HACD2: variants seen among roughly 807,000 people sequenced by gnomAD.
The protein encoded by HACD2 is 3-hydroxyacyl-CoA dehydratase 2, also known as very-long-chain (3R)-3-hydroxyacyl-CoA dehydratase 2.
Under a neutral mutation model 31.0 loss-of-function variants are expected in HACD2, and 15 were observed. The observed-to-expected ratio is 0.48, with a 90% confidence interval of 0.32 to 0.75. The LOEUF is 0.75. HACD2 is among the 30% of genes least tolerant of loss of function. HACD2 has a pLI of 0.03. For synonymous variants in HACD2, 115 were observed against 122.2 expected (o/e 0.94, Z 0.39); for missense variants, 283 against 313.0 (o/e 0.90, Z 0.72).
At chr3:123,580,522 G>C (rs1482842262) in intron 2 of HACD2, among the ~76,000 whole-genome samples, 1 of 151,854 alleles carries the variant, frequency 6.6e-6, no homozygotes, top group East Asian at 1.9e-4. Flanking sequence ...AGTGGTTCAC[G>C]CCTGTAATCT....
At chr3:123,500,808 T>C (rs1160233729) in intron 5 of HACD2, 115 bp from the exon 6 acceptor site, 2 of 591,206 alleles carry the variant, frequency 3.4e-6, no homozygotes, top group South Asian at 5.3e-5. Context: ...TTTATACATT[T>C]TCCTGTTTAC....
chr3:123,568,118 C>A (rs993584479), intron 2 of HACD2, among the ~76,000 whole-genome samples: 26 of 152,174 alleles, frequency 1.7e-4, no homozygotes, highest in African/African-American at 5.8e-4. Flanking sequence ...ATCTCCATGT[C>A]CCATATGCTA....
chr3:123,528,604 T>G, intron 3 of HACD2, 130 bp from the exon 4 acceptor site: 1 of 624,184 alleles, frequency 1.6e-6, no homozygotes, highest in Non-Finnish European at 2.9e-6. Context: ...GGTGTCTATA[T>G]TGTTACACAG....
chr3:123,575,869 C>T (rs1243469295), intron 2 of HACD2, among the ~76,000 whole-genome samples: 1 of 152,094 alleles, frequency 6.6e-6, no homozygotes, highest in East Asian at 1.9e-4. Context: ...TTGTGGAACA[C>T]CATAAACTCT....
At chr3:123,561,332 A>G (rs753773166) in intron 3 of HACD2, among the ~76,000 whole-genome samples, 2 of 152,080 alleles carry the variant, frequency 1.3e-5, no homozygotes, top group African/African-American at 4.8e-5. Flanking sequence ...TTGAGGGAGG[A>G]GTGCAAGCTG....
chr3:123,574,826 T>C (rs935306359), intron 2 of HACD2, among the ~76,000 whole-genome samples: 1 of 152,228 alleles, frequency 6.6e-6, no homozygotes, highest in Non-Finnish European at 1.5e-5. Flanking sequence ...TTTTTCAGTA[T>C]CTGCAATTGT....
chr3:123,511,189 GA>G (rs2056058938), intron 4 of HACD2, among the ~76,000 whole-genome samples: 1 of 151,716 alleles, frequency 6.6e-6, no homozygotes, highest in Admixed American at 6.6e-5. Flanking sequence ...AATTGTTACT[GA>G]GCTCTTACTA....
Position 123,527,790 on chromosome 3 carries a change from T to C in HACD2, c.381+596A>G, listed in dbSNP as rs111674180. ...CTGCAAAAGTTGCGGCCACAGGGCA[T>C]GATAAATGCTTAGTAAATATGTAAA... is the stretch of plus-strand genomic sequence containing the variant. On this transcript the variant is annotated intron_variant, in intron 4 of 6. Transcript: ENST00000383657. 4.2e-3 allele frequency among the ~76,000 whole-genome samples: 641 copies of C among 152,352 alleles called. 3 individuals are homozygous for C. The highest frequency in any genetic ancestry group is 0.015 in the African/African-American group (608 of 41,578).
chr3:123,580,666 C>A (rs1179680989), intron 2 of HACD2, among the ~76,000 whole-genome samples: 1 of 151,184 alleles, frequency 6.6e-6, no homozygotes, highest in African/African-American at 2.4e-5. Flanking sequence ...GCCTGTGGGC[C>A]CAGCTACTCT....
intron 2 of HACD2, among the ~76,000 whole-genome samples, chr3:123,577,514 G>C (rs549697907): frequency 7.2e-5 from 11 of 151,742 alleles, no homozygotes; most frequent in Non-Finnish European, 1.3e-4. Context: ...CCAGCTACTC[G>C]GGAAGCTGAG....
chr3:123,533,791 A>T (rs2107712291), intron 3 of HACD2, among the ~76,000 whole-genome samples: 1 of 152,290 alleles, frequency 6.6e-6, no homozygotes, highest in African/African-American at 2.4e-5. Context: ...TATGACTGAT[A>T]TGTTTTAGCG....
At chr3:123,556,076 C>T (rs535022267) in intron 3 of HACD2, among the ~76,000 whole-genome samples, 10 of 152,084 alleles carry the variant, frequency 6.6e-5, no homozygotes, top group African/African-American at 9.7e-5. Flanking sequence ...CAGACTGAGG[C>T]GGGAGGATCA....
chr3:123,542,946 T>C (rs376069895), intron 3 of HACD2, among the ~76,000 whole-genome samples: 2 of 152,350 alleles, frequency 1.3e-5, no homozygotes. Context: ...TATGAGATTA[T>C]GACAAAATAA....
At chr3:123,580,166 CAA>C (rs60618268) in intron 2 of HACD2, among the ~76,000 whole-genome samples, 13 of 123,796 alleles carry the variant, frequency 1.1e-4, no homozygotes, top group Admixed American at 8.1e-5. Context: ...GGCCCTGTGT[CAA>C]AAAAAAAAAA....
intron 3 of HACD2, among the ~76,000 whole-genome samples, chr3:123,549,485 T>C (rs1405065336): frequency 1.3e-5 from 2 of 152,192 alleles, no homozygotes; most frequent in Non-Finnish European, 1.5e-5. Context: ...CGGTGGCTCA[T>C]GTCTGTAATC....
intron 3 of HACD2, among the ~76,000 whole-genome samples, chr3:123,561,283 T>G (rs2056726613): frequency 6.6e-6 from 1 of 152,218 alleles, no homozygotes; most frequent in Non-Finnish European, 1.5e-5. Context: ...ATGATTTTTT[T>G]GGAATTCACT....
intron 3 of HACD2, among the ~76,000 whole-genome samples, chr3:123,558,576 A>G (rs1386344381): frequency 2.6e-5 from 4 of 152,202 alleles, no homozygotes; most frequent in Non-Finnish European, 5.9e-5. Flanking sequence ...CTCTAAAAAA[A>G]TAGCATATTT....
chr3:123,563,713 A>C (rs1005300422), intron 3 of HACD2, among the ~76,000 whole-genome samples: 17 of 151,946 alleles, frequency 1.1e-4, no homozygotes, highest in African/African-American at 3.9e-4. Flanking sequence ...ATGAAATATG[A>C]ATATACTGTG....
intron 3 of HACD2, among the ~76,000 whole-genome samples, chr3:123,542,281 T>A (rs182631195): frequency 6.7e-6 from 1 of 150,162 alleles, no homozygotes; most frequent in Admixed American, 6.6e-5. Context: ...TAAACAAATA[T>A]ATGGAATTAT....
Sources: gnomAD v4.1 joint callset for allele counts (sites outside exome capture counted in the v4.1 genomes callset) on GRCh38, gnomAD v4.1.1 for gene constraint, MANE v1.5 for transcripts, NCBI Gene and HGNC (gene_info 2026-07-23, HGNC 2026-07-21) for gene names.